The following P3H2 variants were observed in gnomAD, a reference collection of about 807,000 sequenced individuals.
P3H2 encodes the protein leprecan-like 1.
Under a neutral mutation model 87.0 loss-of-function variants are expected in P3H2, and 80 were observed. That is an observed-to-expected ratio of 0.92 (90% confidence interval 0.77 to 1.11). The LOEUF is 1.11. Among genes scored for constraint, P3H2 ranks in the 50% least tolerant of loss-of-function variants. The pLI, the probability that P3H2 is intolerant of heterozygous loss-of-function variation, is 0.00. For missense variants in P3H2, 1,001 were observed against 923.9 expected, an observed-to-expected ratio of 1.08 and a Z score of -1.08; for synonymous variants, 367 against 359.3, an observed-to-expected ratio of 1.02 and a Z score of -0.24.
intron 1 of P3H2, among the ~76,000 whole-genome samples, chr3:190,016,569 A>G (rs1176080940): frequency 6.6e-6 from 1 of 152,172 alleles, no homozygotes; most frequent in East Asian, 1.9e-4. Context: ...TTAATCTGGC[A>G]TGTGATTTGT....
At chr3:189,986,612 G>A (rs1577255421) in intron 6 of P3H2, among the ~76,000 whole-genome samples, 176 bp downstream of exon 6, 1 of 151,848 alleles carries the variant, frequency 6.6e-6, no homozygotes, top group Non-Finnish European at 1.5e-5. Context: ...TAAATAAATA[G>A]ATAAAGTTCA....
intron 1 of P3H2, among the ~76,000 whole-genome samples, chr3:190,026,407 C>A (rs1725085709): frequency 1.3e-5 from 2 of 152,128 alleles, no homozygotes; most frequent in Admixed American, 1.3e-4. Context: ...ACAGACCTTG[C>A]TGACAAAACA....
chr3:190,044,749 C>G (rs1461432504), intron 1 of P3H2, among the ~76,000 whole-genome samples: 1 of 152,108 alleles, frequency 6.6e-6, no homozygotes, highest in African/African-American at 2.4e-5. Flanking sequence ...AATTGCGATG[C>G]CTCTATTTAT....
intron 1 of P3H2, among the ~76,000 whole-genome samples, chr3:190,057,356 T>C (rs1726191345): frequency 6.6e-6 from 1 of 152,194 alleles, no homozygotes; most frequent in African/African-American, 2.4e-5. Context: ...GCACAGCTTT[T>C]CTGTGTTAGG....
chr3:190,028,293 C>T (rs1267594387), intron 1 of P3H2, among the ~76,000 whole-genome samples: 2 of 152,280 alleles, frequency 1.3e-5, no homozygotes, highest in East Asian at 3.9e-4. Context: ...AGGCTGGCCT[C>T]TCATCCAGCA....
At position 189,957,089 on chromosome 3, in the gene P3H2, C is replaced by T. The variant is rs967164258; in HGVS notation, c.*823G>A. 11 of 398,506 alleles carry T rather than the reference C, an allele frequency of 2.8e-5. No homozygotes were observed. The highest frequency in any genetic ancestry group is 1.1e-4 in the East Asian group (3 of 28,042). The allele number at this position is 398,506 out of a possible 1,614,324, so 24.7% of individuals were successfully genotyped here. On this transcript the variant is annotated 3_prime_UTR_variant, in exon 15 of 15. Transcript: ENST00000319332. ...CTTCCAGTGTAAGTTTATTGTCTGG[C>T]GAAAACACCAGAGCCAAAAATTCCA...
At chr3:190,005,905 T>A (rs1274374473) in intron 1 of P3H2, among the ~76,000 whole-genome samples, 1 of 152,200 alleles carries the variant, frequency 6.6e-6, no homozygotes, top group Non-Finnish European at 1.5e-5. Context: ...AGAGATGGTT[T>A]TCATGATAGA....
chr3:189,969,602 G>A (rs570336087), intron 13 of P3H2: 3 of 1,216,980 alleles, frequency 2.5e-6, no homozygotes, highest in Middle Eastern at 1.9e-4. Context: ...TATGACATGT[G>A]TACAGCCCTC....
chr3:190,115,862 A>G (rs1329158846), intron 1 of P3H2, among the ~76,000 whole-genome samples: 1 of 152,212 alleles, frequency 6.6e-6, no homozygotes, highest in East Asian at 1.9e-4. Flanking sequence ...TGGAGGGAAG[A>G]TGGTTGTGAA....
intron 1 of P3H2, among the ~76,000 whole-genome samples, chr3:190,085,270 TG>T (rs1424368679): frequency 2.6e-5 from 4 of 152,244 alleles, no homozygotes; most frequent in African/African-American, 9.6e-5. Flanking sequence ...TGATGTCTGC[TG>T]TTTTTACTGA....
chr3:190,069,501 A>C (rs1049563078), intron 1 of P3H2, among the ~76,000 whole-genome samples: 1 of 152,192 alleles, frequency 6.6e-6, no homozygotes, highest in African/African-American at 2.4e-5. Flanking sequence ...CCAGCCAAAC[A>C]GAACTTCTCT....
Position 190,092,895 on chromosome 3 carries a change from G to A in P3H2, c.480+27357C>T, listed in dbSNP as rs1052116734. Reference sequence around the variant, plus strand: ...TCAATCACCCAGGCTTTAAATCTCCGAGTCAATTCTGATCCCCTTCCTTTA... The same window carrying A: ...TCAATCACCCAGGCTTTAAATCTCCAAGTCAATTCTGATCCCCTTCCTTTA... On this transcript the variant is annotated intron_variant, in intron 1 of 14. Transcript: ENST00000319332. Among the ~76,000 whole-genome samples, 9 of 152,002 alleles carry A rather than the reference G, an allele frequency of 5.9e-5. No homozygotes were observed. The South Asian group carries it at 8.3e-4, about 14-fold the overall frequency.
At chr3:189,988,107 G>T (rs1723762272) in intron 4 of P3H2, among the ~76,000 whole-genome samples, 1 of 152,022 alleles carries the variant, frequency 6.6e-6, no homozygotes, top group Admixed American at 6.6e-5. Context: ...ATTTTTCATT[G>T]CTGCAGTTTG....
chr3:190,059,237 C>T (rs1379342680), intron 1 of P3H2, among the ~76,000 whole-genome samples: 2 of 152,202 alleles, frequency 1.3e-5, no homozygotes, highest in African/African-American at 4.8e-5. Flanking sequence ...ATGTCTGTCT[C>T]CCCTACTGAT....
At chr3:190,066,893 C>T (rs1337918913) in intron 1 of P3H2, among the ~76,000 whole-genome samples, 1 of 152,146 alleles carries the variant, frequency 6.6e-6, no homozygotes, top group Non-Finnish European at 1.5e-5. Context: ...CTCCTTCCAC[C>T]TTTCCAGACC....
chr3:190,079,715 C>A (rs1177687197), intron 1 of P3H2, among the ~76,000 whole-genome samples: 1 of 152,108 alleles, frequency 6.6e-6, no homozygotes, highest in African/African-American at 2.4e-5. Context: ...AATGCATTAG[C>A]CATTGAACCT....
In P3H2 at chr3:189,976,850, G is replaced by A. The variant is rs191597770; in HGVS notation, c.1325-2165C>T. 2.7e-3 allele frequency among the ~76,000 whole-genome samples: 417 copies of A among 152,078 alleles called. 1 individual carries two copies. The highest frequency in any genetic ancestry group is 4.0e-3 in the Non-Finnish European group (272 of 67,986). ...TCCCAAGAATATATCCATAAGCCTC[G>A]TTTCAGTATCACATCTTTTAGTTGA... On this transcript the variant is annotated intron_variant, in intron 8 of 14. Transcript: ENST00000319332.
At chr3:189,966,147 GAA>G (rs1722994290) in intron 13 of P3H2, among the ~76,000 whole-genome samples, 1 of 139,142 alleles carries the variant, frequency 7.2e-6, no homozygotes. Flanking sequence ...AAGAAAGAAA[GAA>G]AGAAAGAAAG....
At chr3:189,969,509 C>T (rs751533409) in intron 13 of P3H2, 2 of 1,066,016 alleles carry the variant, frequency 1.9e-6, no homozygotes, top group African/African-American at 1.6e-5. Context: ...AGGTCTCATA[C>T]TGGTCCTGTC....
Sources: gnomAD v4.1 joint callset for allele counts (sites outside exome capture counted in the v4.1 genomes callset) on GRCh38, gnomAD v4.1.1 for gene constraint, MANE v1.5 for transcripts, NCBI Gene and HGNC (gene_info 2026-07-23, HGNC 2026-07-21) for gene names.